Variants in ZNF804A observed in about 807,000 individuals in gnomAD.
ZNF804A encodes zinc finger protein 804A.
Under a neutral mutation model 16.5 loss-of-function variants are expected in ZNF804A, and 2 were observed. The ratio of observed to expected loss-of-function variants is 0.12; its 90% CI spans 0.05 to 0.38. The LOEUF (loss-of-function observed/expected upper bound fraction) is 0.38. Ranked by LOEUF, ZNF804A falls within the 10% of genes least tolerant of loss-of-function variation. ZNF804A has a pLI of 0.99. For missense variants in ZNF804A, 1,473 were observed against 1,390.7 expected (o/e 1.06, Z -0.94); for synonymous variants, 534 against 489.6 (o/e 1.09, Z -1.20).
intron 1 of ZNF804A, among the ~76,000 whole-genome samples, chr2:184,858,286 C>A (rs922840079): frequency 1.3e-5 from 2 of 151,802 alleles, no homozygotes; most frequent in Non-Finnish European, 2.9e-5. Context: ...GGTGGATCAC[C>A]TGAGGTCTGG....
At chr2:184,751,150 T>A (rs1693871411) in intron 1 of ZNF804A, among the ~76,000 whole-genome samples, 1 of 151,510 alleles carries the variant, frequency 6.6e-6, no homozygotes, top group African/African-American at 2.4e-5. Flanking sequence ...AGTGCAGATA[T>A]TTCTCCAAGA....
chr2:184,930,376 C>T (rs1453270196), intron 2 of ZNF804A, among the ~76,000 whole-genome samples: 3 of 152,234 alleles, frequency 2.0e-5, no homozygotes, highest in South Asian at 2.1e-4. Flanking sequence ...ACAATTGAGA[C>T]ATTTATGACA....
At chr2:184,751,180 T>G (rs1394309380) in intron 1 of ZNF804A, among the ~76,000 whole-genome samples, 1 of 151,496 alleles carries the variant, frequency 6.6e-6, no homozygotes, top group Non-Finnish European at 1.5e-5. Flanking sequence ...CAATTTTTTT[T>G]GGATATATAC....
chr2:184,781,582 A>G (rs1004045253), intron 1 of ZNF804A, among the ~76,000 whole-genome samples: 7 of 151,716 alleles, frequency 4.6e-5, no homozygotes, highest in South Asian at 2.1e-4. Context: ...CTGAATTCCT[A>G]TGGGTACCAC....
intron 1 of ZNF804A, among the ~76,000 whole-genome samples, chr2:184,618,799 T>G (rs1156897018): frequency 6.6e-6 from 1 of 152,144 alleles, no homozygotes; most frequent in Non-Finnish European, 1.5e-5. Flanking sequence ...TATTATTGTT[T>G]CTTCCATTTA....
Position 184,598,805 on chromosome 2 carries a change from G to C in ZNF804A, c.-155G>C, listed in dbSNP as rs1048157512. On this transcript the variant is annotated 5_prime_UTR_variant, in exon 1 of 4. Coordinates refer to ENST00000302277, the MANE Select transcript of ZNF804A (RefSeq NM_194250.2). ...GGAGCCTCGGCGCTCACCACAGAGG[G>C]GTGCAGTGAGCCAGTCTCCAGAGGA... 1 of 451,148 alleles carries C rather than the reference G, an allele frequency of 2.2e-6. No individual in the cohort carries two copies. Among genetic ancestry groups the C allele is most frequent in the Admixed American group, 4.5e-5 (1 of 22,056 alleles). The allele number at this position is 451,148 out of a possible 1,614,324, so 27.9% of individuals were successfully genotyped here.
chr2:184,860,278 T>G (rs904883377), intron 1 of ZNF804A, among the ~76,000 whole-genome samples: 1 of 152,096 alleles, frequency 6.6e-6, no homozygotes, highest in Non-Finnish European at 1.5e-5. Context: ...GGGTCCTGGG[T>G]CCTCAGTCAA....
At chr2:184,915,096 G>C (rs1685422763) in intron 2 of ZNF804A, among the ~76,000 whole-genome samples, 1 of 151,808 alleles carries the variant, frequency 6.6e-6, no homozygotes, top group Non-Finnish European at 1.5e-5. Context: ...TCTTATCTGT[G>C]TAAAACATGC....
At chr2:184,730,654 A>G (rs1295001785) in intron 1 of ZNF804A, among the ~76,000 whole-genome samples, 4 of 152,002 alleles carry the variant, frequency 2.6e-5, no homozygotes. Context: ...TGCTTCTTTT[A>G]CTTGGTGCTA....
At chr2:184,891,680 G>A (rs1158466758) in intron 2 of ZNF804A, among the ~76,000 whole-genome samples, 1 of 152,064 alleles carries the variant, frequency 6.6e-6, no homozygotes, top group African/African-American at 2.4e-5. Flanking sequence ...CTAGACTCTA[G>A]GGTACTGAAA....
chr2:184,659,816 T>G (rs1379513403), intron 1 of ZNF804A, among the ~76,000 whole-genome samples: 4 of 152,216 alleles, frequency 2.6e-5, no homozygotes, highest in Non-Finnish European at 4.4e-5. Context: ...ATAAAAAATG[T>G]ATAAGTAGAA....
Position 184,937,705 on chromosome 2 carries a change from G to A in ZNF804A, c.2309G>A (p.Arg770Gln), listed in dbSNP as rs750195715. 9.3e-6 allele frequency: 15 copies of A among 1,614,004 alleles called. No homozygotes were observed. The highest frequency in any genetic ancestry group is 1.0e-5 in the Non-Finnish European group (12 of 1,179,980). ...ATGAATGAATCAGAAAGATTCTATC[G>A]AAAACGTAGACAACATTCACATTCT... The part of the protein sequence containing the change: ...SVMNESERFY[R>Q]KRRQHSHSYS... The change falls in exon 4 of 4, where the codon CGA becomes CAA. Residue 770 changes from arginine (R) to glutamine (Q), a missense_variant. Arg to Gln is a conservative substitution (Grantham distance 43, BLOSUM62 1). Coordinates refer to ENST00000302277, the MANE Select transcript of ZNF804A (RefSeq NM_194250.2).
At chr2:184,693,527 G>A (rs1200396112) in intron 1 of ZNF804A, among the ~76,000 whole-genome samples, 1 of 152,106 alleles carries the variant, frequency 6.6e-6, no homozygotes, top group South Asian at 2.1e-4. Flanking sequence ...ATTCATATAT[G>A]CAGGCTATGT....
Position 184,938,839 on chromosome 2 carries a change from T to G in ZNF804A, c.3443T>G (p.Val1148Gly). 6.2e-7 allele frequency: 1 copy of G among 1,613,934 alleles called. No homozygotes were observed. The highest frequency in any genetic ancestry group is 8.5e-7 in the Non-Finnish European group (1 of 1,179,944). Residue 1148 changes from valine (V) to glycine (G), a missense_variant, in exon 4 of 4, where the codon GTA (valine) becomes GGA (glycine). Transcript: ENST00000302277. Reference sequence around the variant, plus strand: ...AGAACCTCATTACCTCAGCTCTCAGTAGGACCAGTAGGACCGAGGCTTTGT... The same window carrying G: ...AGAACCTCATTACCTCAGCTCTCAGGAGGACCAGTAGGACCGAGGCTTTGT... ...LTRTSLPQLSVGPVGPRLCPG... is the reference protein window; with the variant it reads ...LTRTSLPQLSGGPVGPRLCPG...
chr2:184,812,795 T>A (rs1694922022), intron 1 of ZNF804A, among the ~76,000 whole-genome samples: 1 of 152,150 alleles, frequency 6.6e-6, no homozygotes, highest in African/African-American at 2.4e-5. Flanking sequence ...AGTTATTTTC[T>A]TGAGGAAATA....
intron 1 of ZNF804A, among the ~76,000 whole-genome samples, chr2:184,622,907 A>T (rs1691440939): frequency 6.6e-6 from 1 of 152,022 alleles, no homozygotes; most frequent in Non-Finnish European, 1.5e-5. Context: ...CACAACAAAG[A>T]TATGATATTG....
intron 1 of ZNF804A, among the ~76,000 whole-genome samples, chr2:184,844,205 A>T (rs1695479574): frequency 6.7e-6 from 1 of 149,866 alleles, no homozygotes; most frequent in South Asian, 2.2e-4. Flanking sequence ...AATTGCTGTG[A>T]TTCATTTCAT....
intron 1 of ZNF804A, among the ~76,000 whole-genome samples, chr2:184,820,150 T>C (rs1026385950): frequency 6.6e-6 from 1 of 152,046 alleles, no homozygotes; most frequent in Non-Finnish European, 1.5e-5. Flanking sequence ...CTGATGAACA[T>C]TGATGCAAAA....
At chr2:184,659,331 T>C (rs1692129562) in intron 1 of ZNF804A, among the ~76,000 whole-genome samples, 2 of 152,140 alleles carry the variant, frequency 1.3e-5, no homozygotes, top group African/African-American at 4.8e-5. Context: ...ATGTTTAATT[T>C]CCCAGTCCTC....
Sources: gnomAD v4.1 joint callset for allele counts (sites outside exome capture counted in the v4.1 genomes callset) on GRCh38, gnomAD v4.1.1 for gene constraint, MANE v1.5 for transcripts, NCBI Gene and HGNC (gene_info 2026-07-23, HGNC 2026-07-21) for gene names.